Variants in ARFGEF3 observed in about 807,000 individuals in gnomAD.
ARFGEF3 encodes ARFGEF family member 3.
Under a neutral mutation model 221.7 loss-of-function variants are expected in ARFGEF3, and 96 were observed. The observed-to-expected ratio is 0.43, with a 90% CI of 0.37 to 0.51. The LOEUF is 0.51. ARFGEF3 is among the 20% of genes least tolerant of loss of function. ARFGEF3 has a pLI of 0.00. For synonymous variants in ARFGEF3, 1,145 were observed against 1,126.8 expected (o/e 1.02, Z -0.32); for missense variants, 2,410 against 2,789.9 (o/e 0.86, Z 3.07).
At chr6:138,318,010 CT>C (rs1779956892) in intron 27 of ARFGEF3, among the ~76,000 whole-genome samples, 3 of 151,984 alleles carry the variant, frequency 2.0e-5, no homozygotes, top group African/African-American at 7.3e-5. Flanking sequence ...ATCAAAGAAA[CT>C]TTTTTAATAG....
chr6:138,218,955 T>A (rs1435377706), intron 4 of ARFGEF3, among the ~76,000 whole-genome samples: 1 of 152,196 alleles, frequency 6.6e-6, no homozygotes, highest in Non-Finnish European at 1.5e-5. Context: ...CCTTTTTTTA[T>A]TGATTTATTA....
chr6:138,177,666 CT>C (rs976666794), intron 2 of ARFGEF3, among the ~76,000 whole-genome samples: 3 of 151,966 alleles, frequency 2.0e-5, no homozygotes, highest in African/African-American at 7.2e-5. Flanking sequence ...TTTGTTCATT[CT>C]TTTTTCCTTA....
intron 2 of ARFGEF3, among the ~76,000 whole-genome samples, chr6:138,173,137 A>G (rs1776872337): frequency 6.6e-6 from 1 of 151,804 alleles, no homozygotes; most frequent in Admixed American, 6.6e-5. Flanking sequence ...TTTACTGTTA[A>G]AGAAGAGTTC....
intron 18 of ARFGEF3, 71 bp downstream of exon 18, chr6:138,290,039 G>A: frequency 6.8e-7 from 1 of 1,475,292 alleles, no homozygotes; most frequent in South Asian, 1.3e-5. Flanking sequence ...GCTGTGGCAG[G>A]TGGAGAGGGG....
chr6:138,271,664 A>C (rs926176612), intron 12 of ARFGEF3, among the ~76,000 whole-genome samples: 2 of 152,230 alleles, frequency 1.3e-5, no homozygotes, highest in Non-Finnish European at 2.9e-5. Flanking sequence ...TCCAGACAGC[A>C]TGCTCATTAC....
intron 4 of ARFGEF3, among the ~76,000 whole-genome samples, chr6:138,210,289 T>A (rs879799598): frequency 1.1e-4 from 17 of 152,218 alleles, no homozygotes; most frequent in Non-Finnish European, 1.8e-4. Flanking sequence ...AGAAAGTGTA[T>A]TTGTAATCTT....
Position 138,162,128 on chromosome 6 carries a change from G to A in ARFGEF3, c.42G>A (p.Gly14=), listed in dbSNP as rs754433077. Residue 14 remains glycine (G), a synonymous_variant, in exon 1 of 34, where the codon GGG becomes GGA. Coordinates refer to ENST00000251691, the MANE Select transcript of ARFGEF3 (RefSeq NM_020340.5). This position sits in a 1 kb window ranked among gnomAD's most constrained non-coding sequence, Gnocchi z 4.7. ...ILRKLQKEAS[G]SKYKAIKESC... ...GGAAGCTGCAGAAGGAGGCGTCCGG[G>A]AGCAAGTACAAAGCCATCAAGGAGA... 16 of 1,605,704 alleles carry A rather than the reference G, an allele frequency of 1.0e-5. No homozygotes were observed. In the East Asian group the frequency reaches 1.1e-4, roughly 11 times the overall value.
intron 6 of ARFGEF3, among the ~76,000 whole-genome samples, chr6:138,242,321 A>C (rs1263789300): frequency 6.6e-6 from 1 of 152,164 alleles, no homozygotes; most frequent in Non-Finnish European, 1.5e-5. Context: ...TTATTTGTAA[A>C]TGTCTTTTCC....
At chr6:138,219,524 G>C (rs183431741) in intron 4 of ARFGEF3, among the ~76,000 whole-genome samples, 106 of 152,300 alleles carry the variant, frequency 7.0e-4, no homozygotes, top group African/African-American at 2.5e-3. Flanking sequence ...ACTTAATCCA[G>C]GTAGGTGGCA....
chr6:138,274,293 A>G (rs1779056147), intron 12 of ARFGEF3, among the ~76,000 whole-genome samples: 1 of 152,198 alleles, frequency 6.6e-6, no homozygotes, highest in African/African-American at 2.4e-5. Flanking sequence ...AGGGTAGTTA[A>G]ACACCCAATC....
intron 8 of ARFGEF3, among the ~76,000 whole-genome samples, chr6:138,246,577 G>C (rs73567061): frequency 6.6e-6 from 1 of 152,120 alleles, no homozygotes; most frequent in East Asian, 1.9e-4. Flanking sequence ...TGGTTTCTTC[G>C]TCAATTCTTC....
At position 138,263,479 on chromosome 6, in the gene ARFGEF3, C is replaced by G; in HGVS notation, c.1996C>G (p.Gln666Glu). The G allele has an allele frequency of 6.2e-7, 1 of 1,613,930 alleles. No homozygotes were observed. Among genetic ancestry groups the G allele is most frequent in the Non-Finnish European group, 8.5e-7 (1 of 1,179,886 alleles). Reference protein sequence around the residue: ...AALSLKLLKNQEADQHSARLF... With the variant: ...AALSLKLLKNEEADQHSARLF... ...CCTGTCTCTAAAACTGCTGAAGAAC[C>G]AGGAGGCGGATCAGCACAGCGCCAG... Residue 666 changes from glutamine to glutamate, a missense_variant, in exon 12 of 34, where the codon CAG (glutamine) becomes GAG (glutamate). Around this residue, in one of 5 missense-constraint regions of ARFGEF3, gnomAD observed 594 missense variants for 734.3 expected, o/e 0.81. Coordinates refer to ENST00000251691, the MANE Select transcript of ARFGEF3 (RefSeq NM_020340.5).
Position 138,315,402 on chromosome 6 carries a change from C to T in ARFGEF3, c.4345+1463C>T, listed in dbSNP as rs180966115. 6.2e-4 allele frequency among the ~76,000 whole-genome samples: 94 copies of T among 152,182 alleles called. No homozygotes were observed. In the Middle Eastern group the frequency reaches 0.024, roughly 39 times the overall value. On this transcript the variant is annotated intron_variant, in intron 26 of 33. Coordinates refer to ENST00000251691, the MANE Select transcript of ARFGEF3 (RefSeq NM_020340.5). ...CTACATCTAGAATTGGATATCATAC[C>T]CTCAAATAGGTCTAACTTCTGGGTA...
At chr6:138,335,271 A>T in intron 33 of ARFGEF3, 83 bp downstream of exon 33, 2 of 1,357,202 alleles carry the variant, frequency 1.5e-6, no homozygotes, top group Non-Finnish European at 9.7e-7. Context: ...GCAGGCATAC[A>T]CAGGCTAAGA....
chr6:138,218,558 G>C, intron 4 of ARFGEF3: 1 of 1,216,940 alleles, frequency 8.2e-7, no homozygotes, highest in Non-Finnish European at 1.1e-6. Context: ...CAATGTTTCT[G>C]TTCCATCCTA....
intron 31 of ARFGEF3, among the ~76,000 whole-genome samples, chr6:138,324,595 A>G (rs1780095988): frequency 6.6e-6 from 1 of 152,256 alleles, no homozygotes; most frequent in Non-Finnish European, 1.5e-5. Context: ...TGAATGTAAC[A>G]TTAAAATTCA....
chr6:138,162,315 G>T lies in ARFGEF3; in HGVS notation c.85+144G>T. 1 of 558,822 alleles carries T rather than the reference G, an allele frequency of 1.8e-6. No individual in the cohort carries two copies. The highest frequency in any genetic ancestry group is 3.1e-6 in the Non-Finnish European group (1 of 323,604). 34.6% of individuals were successfully genotyped at this position (558,822 alleles called of 1,614,324 possible). Reference sequence around the variant, plus strand: ...GAGAGTCGCCTCGGGAAATTGATGTGGGATTTGAGAGTCTTGGCTCGGGCG... The same window carrying T: ...GAGAGTCGCCTCGGGAAATTGATGTTGGATTTGAGAGTCTTGGCTCGGGCG... On this transcript the variant is annotated intron_variant, in intron 1 of 33. Coordinates refer to ENST00000251691, the MANE Select transcript of ARFGEF3 (RefSeq NM_020340.5). The surrounding 1 kb of genome is among the most constrained non-coding windows in gnomAD (Gnocchi z 4.7).
chr6:138,203,835 G>A (rs902488875), intron 2 of ARFGEF3, among the ~76,000 whole-genome samples: 3 of 151,900 alleles, frequency 2.0e-5, no homozygotes, highest in Middle Eastern at 3.2e-3. Context: ...TAGAGACGGG[G>A]TTTCACCATG....
intron 11 of ARFGEF3, 45 bp downstream of exon 11, chr6:138,261,684 G>A (rs1486267942): frequency 3.4e-6 from 4 of 1,192,124 alleles, no homozygotes; most frequent in Non-Finnish European, 4.6e-6. Context: ...CTGCTTTTCT[G>A]AAGACTTTTA....
Sources: gnomAD v4.1 joint callset for allele counts (sites outside exome capture counted in the v4.1 genomes callset) on GRCh38, gnomAD v4.1.1 for gene constraint, gnomAD v4.1.1 regional missense constraint, Gnocchi (gnomAD v3.1) non-coding constraint, MANE v1.5 for transcripts, NCBI Gene and HGNC (gene_info 2026-07-23, HGNC 2026-07-21) for gene names.